Variants in BMP6 observed in about 807,000 individuals in gnomAD.
BMP6 encodes VG-1-R.
Under a neutral mutation model 54.1 loss-of-function variants are expected in BMP6, and 17 were observed. The observed-to-expected ratio is 0.31, with a 90% confidence interval of 0.22 to 0.47. BMP6 has a LOEUF of 0.47. BMP6 is among the 20% of genes least tolerant of loss of function. BMP6 has a pLI of 1.00. For synonymous variants in BMP6, 328 were observed against 291.2 expected, an observed-to-expected ratio of 1.13 and a Z score of -1.28; for missense variants, 720 against 690.4, an observed-to-expected ratio of 1.04 and a Z score of -0.48.
intron 1 of BMP6, among the ~76,000 whole-genome samples, chr6:7,838,278 G>A (rs1004669348): frequency 1.3e-5 from 2 of 151,988 alleles, no homozygotes; most frequent in Non-Finnish European, 2.9e-5. Context: ...AGGTATGCAC[G>A]TATAGGAAGA....
At chr6:7,755,428 G>A (rs1029331978) in intron 1 of BMP6, among the ~76,000 whole-genome samples, 12 of 152,018 alleles carry the variant, frequency 7.9e-5, no homozygotes, top group African/African-American at 2.9e-4. Flanking sequence ...ACCACTTCAC[G>A]TAGAATGTAA....
rs1273677410 is a variant in BMP6, at chr6:7,846,441, G to A, written c.857+1109G>A. 2.6e-5 allele frequency among the ~76,000 whole-genome samples: 4 copies of A among 152,148 alleles called. No homozygotes were observed. In the South Asian group the frequency reaches 6.2e-4, roughly 24 times the overall value. On this transcript the variant is annotated intron_variant, in intron 2 of 6. Coordinates refer to ENST00000283147, the MANE Select transcript of BMP6 (RefSeq NM_001718.6). ...ACTCATAAGCAACATTAATTTGTCC[G>A]TGAAAGGTTCATTTTTGTTTTGAAA... is the stretch of plus-strand genomic sequence containing the variant.
intron 1 of BMP6, among the ~76,000 whole-genome samples, chr6:7,800,920 G>C (rs1314260651): frequency 6.8e-6 from 1 of 147,010 alleles, no homozygotes; most frequent in Non-Finnish European, 1.5e-5. Flanking sequence ...GGAGGGGGGG[G>C]CACATGTCCT....
At chr6:7,799,037 T>C (rs114545084) in intron 1 of BMP6, among the ~76,000 whole-genome samples, 3 of 152,322 alleles carry the variant, frequency 2.0e-5, no homozygotes, top group South Asian at 2.1e-4. Context: ...CTGGTTTTAA[T>C]TGGTCAGTAG....
chr6:7,741,731 C>T (rs1358820353), intron 1 of BMP6, among the ~76,000 whole-genome samples: 1 of 152,242 alleles, frequency 6.6e-6, no homozygotes, highest in East Asian at 1.9e-4. Context: ...CCAGACCCAG[C>T]CTAGAGCAGC....
At chr6:7,839,852 A>G (rs897967585) in intron 1 of BMP6, among the ~76,000 whole-genome samples, 1 of 152,218 alleles carries the variant, frequency 6.6e-6, no homozygotes, top group African/African-American at 2.4e-5. Context: ...ATCAATGCTA[A>G]TTTTATGTTT....
chr6:7,727,071 C>T lies in BMP6; in HGVS notation c.116C>T (p.Ala39Val), dbSNP rs1361530157. 6 of 1,234,348 alleles carry T rather than the reference C, an allele frequency of 4.9e-6. No individual in the cohort carries two copies. Among genetic ancestry groups the T allele is most frequent in the Admixed American group, 4.4e-5 (1 of 22,886 alleles). The allele number at this position is 1,234,348 out of a possible 1,614,324, so 76.5% of individuals were successfully genotyped here. ...TTGCCCGCTGCCGCGGCCGCCGCCG[C>T]CGGGGGGCAGCTGCTGGGGGACGGC... ...PPLPAAAAAA[A>V]GGQLLGDGGS... The change falls in exon 1 of 7, where the codon GCC becomes GTC. Residue 39 changes from alanine (A) to valine (V), a missense_variant. Around this residue, in one of 3 missense-constraint regions of BMP6, gnomAD observed 650 missense variants for 556.3 expected, o/e 1.17. Transcript: ENST00000283147.
chr6:7,727,538 G>C lies in BMP6; in HGVS notation c.583G>C (p.Gly195Arg), dbSNP rs746951657. 10 of 1,594,966 alleles carry C rather than the reference G, an allele frequency of 6.3e-6. No individual in the cohort carries two copies. The African/African-American group carries it at 6.7e-5, about 11-fold the overall frequency. ...CCTTCTGGCCCCCGGATCTGGCAGC[G>C]GCGGCGCGTCCCCACTGACCAGCGC... ...KSLLAPGSGS[G>R]GASPLTSAQD... Residue 195 changes from glycine (G) to arginine (R), a missense_variant, in exon 1 of 7, where the codon GGC becomes CGC. Gly to Arg is a moderately radical substitution (Grantham distance 125, BLOSUM62 -2). This residue lies in a region of BMP6 where 650 missense variants were observed against 556.3 expected (regional missense o/e 1.17). Coordinates refer to ENST00000283147, the MANE Select transcript of BMP6 (RefSeq NM_001718.6).
intron 1 of BMP6, among the ~76,000 whole-genome samples, chr6:7,837,551 C>G (rs919809488): frequency 6.6e-6 from 1 of 152,140 alleles, no homozygotes; most frequent in Middle Eastern, 3.4e-3. Flanking sequence ...GAATGGAAAA[C>G]CAAATATTGT....
At chr6:7,851,953 T>C (rs1010375842) in intron 2 of BMP6, among the ~76,000 whole-genome samples, 2 of 152,234 alleles carry the variant, frequency 1.3e-5, no homozygotes, top group Non-Finnish European at 2.9e-5. Context: ...TAAGGCTGGA[T>C]TCAAAGACCA....
In BMP6 at chr6:7,845,219, T is replaced by G. The variant is rs1390718408; in HGVS notation, c.744T>G (p.Gly248=). Residue 248 remains glycine (G), a synonymous_variant, in exon 2 of 7, where the codon GGT becomes GGG. Coordinates refer to ENST00000283147, the MANE Select transcript of BMP6 (RefSeq NM_001718.6). ...TCAACTTATCCCAGATTCCTGAGGG[T>G]GAGGTGGTGACGGCTGCAGAATTCC... is the stretch of plus-strand genomic sequence containing the variant. ...FKFNLSQIPE[G]EVVTAAEFRI... The G allele has an allele frequency of 6.2e-7, 1 of 1,613,892 alleles. No homozygotes were observed. Among genetic ancestry groups the G allele is most frequent in the Non-Finnish European group, 8.5e-7 (1 of 1,179,972 alleles).
intron 2 of BMP6, 82 bp downstream of exon 2, chr6:7,845,414 C>A: frequency 1.5e-6 from 2 of 1,359,442 alleles, no homozygotes; most frequent in Non-Finnish European, 2.0e-6. Flanking sequence ...CCAGCTATGT[C>A]TGTGCAGGGT....
intron 1 of BMP6, among the ~76,000 whole-genome samples, chr6:7,756,202 T>C (rs1252066531): frequency 6.6e-6 from 1 of 152,158 alleles, no homozygotes; most frequent in African/African-American, 2.4e-5. Flanking sequence ...TTTTGTTTTG[T>C]TTTGTTTCCT....
chr6:7,852,160 G>A (rs1759152688), intron 2 of BMP6, among the ~76,000 whole-genome samples: 1 of 152,228 alleles, frequency 6.6e-6, no homozygotes, highest in Admixed American at 6.5e-5. Flanking sequence ...CTGTAAGGCA[G>A]ACAAAATATG....
At chr6:7,852,938 C>CT (rs143182669) in intron 2 of BMP6, among the ~76,000 whole-genome samples, 7,891 of 152,190 alleles carry the variant, frequency 0.052, 251 homozygotes, top group African/African-American at 0.087. Context: ...ATGCAGCCCC[C>CT]TTTTTTTCTG....
At chr6:7,873,382 T>A (rs1290963932) in intron 4 of BMP6, among the ~76,000 whole-genome samples, 2 of 152,164 alleles carry the variant, frequency 1.3e-5, no homozygotes. Flanking sequence ...ATGAAGAGAC[T>A]CTTAGGCAAG....
At chr6:7,757,348 T>C (rs1757534220) in intron 1 of BMP6, among the ~76,000 whole-genome samples, 2 of 152,242 alleles carry the variant, frequency 1.3e-5, no homozygotes, top group Non-Finnish European at 2.9e-5. Context: ...TGCCTTTCTC[T>C]GAGCTTCTGG....
intron 1 of BMP6, among the ~76,000 whole-genome samples, chr6:7,728,518 CA>C (rs1016796532): frequency 1.3e-5 from 2 of 152,226 alleles, no homozygotes; most frequent in African/African-American, 4.8e-5. Flanking sequence ...TCCCCCCTCC[CA>C]CCCCACTGAG....
At chr6:7,823,295 A>G (rs1035781819) in intron 1 of BMP6, among the ~76,000 whole-genome samples, 2 of 152,190 alleles carry the variant, frequency 1.3e-5, no homozygotes, top group African/African-American at 4.8e-5. Flanking sequence ...AAATGCTTGC[A>G]CGTATATTAC....
Sources: gnomAD v4.1 joint callset for allele counts (sites outside exome capture counted in the v4.1 genomes callset) on GRCh38, gnomAD v4.1.1 for gene constraint, gnomAD v4.1.1 regional missense constraint, MANE v1.5 for transcripts, NCBI Gene and HGNC (gene_info 2026-07-23, HGNC 2026-07-21) for gene names.